The following RBM46 variants were observed in gnomAD, a reference collection of about 807,000 sequenced individuals.
RBM46 encodes probable RNA-binding protein 46.
A neutral mutation model predicts 43.3 loss-of-function variants in RBM46; 12 were observed. The observed-to-expected ratio is 0.28, with a 90% CI of 0.18 to 0.45. RBM46 has a LOEUF of 0.45. Among genes scored for constraint, RBM46 ranks in the 20% least tolerant of loss-of-function variants. The pLI, the probability that RBM46 is intolerant of heterozygous loss-of-function variation, is 1.00. For synonymous variants in RBM46, 205 were observed against 207.6 expected (o/e 0.99, Z 0.11); for missense variants, 412 against 639.1 (o/e 0.64, Z 3.83).
At chr4:154,817,870 C>G (rs1371606355) in intron 4 of RBM46, among the ~76,000 whole-genome samples, 1 of 151,338 alleles carries the variant, frequency 6.6e-6, no homozygotes, top group Non-Finnish European at 1.5e-5. Context: ...ACTTTCTTTT[C>G]TTTAGCTGTA....
intron 4 of RBM46, among the ~76,000 whole-genome samples, chr4:154,800,217 T>A (rs1176144805): frequency 6.6e-6 from 1 of 152,184 alleles, no homozygotes; most frequent in Admixed American, 6.5e-5. Flanking sequence ...GATATGTTCA[T>A]TAAACCAATT....
chr4:154,818,486 A>G (rs1735572212), intron 4 of RBM46, among the ~76,000 whole-genome samples: 1 of 152,172 alleles, frequency 6.6e-6, no homozygotes. Context: ...TTGTGCCATC[A>G]TTCCCTGTAC....
At position 154,799,500 on chromosome 4, in the gene RBM46, C is replaced by G; in HGVS notation, c.1338C>G (p.Asp446Glu). The G allele has an allele frequency of 6.2e-7, 1 of 1,611,872 alleles. No individual in the cohort carries two copies. The highest frequency in any genetic ancestry group is 1.1e-5 in the South Asian group (1 of 90,372). ...GATCCCAGAGTTACTTCATGCCAGACAAACTCTGTACTACGTTAGAAGATG... is the reference window on the plus strand; with the variant it reads ...GATCCCAGAGTTACTTCATGCCAGAGAAACTCTGTACTACGTTAGAAGATG... The part of the protein sequence containing the change: ...ANGSQSYFMP[D>E]KLCTTLEDAK... Residue 446 changes from aspartate to glutamate, a missense_variant, in exon 4 of 5, where the codon GAC becomes GAG. By Grantham distance (45) the Asp-to-Glu change is conservative (BLOSUM62 2). This residue lies in a region of RBM46 where 149 missense variants were observed against 156.3 expected (regional missense o/e 0.95). Transcript: ENST00000281722.
chr4:154,810,465 C>G (rs558612378), intron 4 of RBM46, among the ~76,000 whole-genome samples: 3 of 138,678 alleles, frequency 2.2e-5, no homozygotes, highest in African/African-American at 7.8e-5. Context: ...TGTGTAAATA[C>G]TAATACAGAG....
intron 4 of RBM46, among the ~76,000 whole-genome samples, chr4:154,812,133 C>T (rs1207070367): frequency 6.6e-6 from 1 of 151,504 alleles, no homozygotes; most frequent in African/African-American, 2.4e-5. Context: ...TCACATGATT[C>T]CAATGAAAAA....
At chr4:154,792,686 C>G (rs1487719568) in intron 1 of RBM46, among the ~76,000 whole-genome samples, 3 of 151,984 alleles carry the variant, frequency 2.0e-5, no homozygotes, top group Non-Finnish European at 4.4e-5. Context: ...GAGGGTTTTC[C>G]TGGAGAATAT....
At chr4:154,795,010 G>A (rs1370835397) in intron 1 of RBM46, among the ~76,000 whole-genome samples, 1 of 152,002 alleles carries the variant, frequency 6.6e-6, no homozygotes, top group African/African-American at 2.4e-5. Flanking sequence ...ATAGAATATA[G>A]TTGGTCCTTA....
chr4:154,824,102 TG>T lies in RBM46; in HGVS notation c.1403-3765del, dbSNP rs569790232. Among the ~76,000 whole-genome samples the T allele has an allele frequency of 3.3e-3, 490 of 150,058 alleles. 2 individuals are homozygous for T. Among genetic ancestry groups the T allele is most frequent in the African/African-American group, 0.011 (440 of 41,030 alleles). On this transcript the variant is annotated intron_variant, in intron 4 of 4. Transcript: ENST00000281722. ...GAGCAGTTGTTCTCTTTTTTTTTTT[TG>T]TTTTCCACAAAACAACCTTTACTTC... is the stretch of plus-strand genomic sequence containing the variant.
chr4:154,803,383 A>G (rs543476590), intron 4 of RBM46, among the ~76,000 whole-genome samples: 13 of 152,162 alleles, frequency 8.5e-5, no homozygotes, highest in Non-Finnish European at 1.8e-4. Context: ...ATCTCACTGG[A>G]AACTCATTAC....
intron 1 of RBM46, among the ~76,000 whole-genome samples, chr4:154,782,761 G>C (rs772996263): frequency 6.6e-6 from 1 of 152,178 alleles, no homozygotes; most frequent in Non-Finnish European, 1.5e-5. Flanking sequence ...GATTACAGGC[G>C]TGAGCCATCG....
rs1736078964 is a variant in RBM46, at chr4:154,828,745, T to TGTTATGGG, written c.*681_*682insATGGGGTT. The TGTTATGGG allele has an allele frequency of 6.6e-6, 1 of 152,614 alleles. No homozygotes were observed. Among genetic ancestry groups the TGTTATGGG allele is most frequent in the Non-Finnish European group, 1.5e-5 (1 of 68,024 alleles). The allele number at this position is 152,614 out of a possible 1,614,324, so 9.5% of individuals were successfully genotyped here. On this transcript the variant is annotated 3_prime_UTR_variant, in exon 5 of 5. Coordinates refer to ENST00000281722, the MANE Select transcript of RBM46 (RefSeq NM_144979.5). Reference sequence around the variant, plus strand: ...AATAACAAGTGTTATGGGTTTTTAATGTTGAAATCATGTGTTAATTTTTGT... The same window carrying TGTTATGGG: ...AATAACAAGTGTTATGGGTTTTTAATGTTATGGGGTTGAAATCATGTGTTAATTTTTGT...
At position 154,827,952 on chromosome 4, in the gene RBM46, A is replaced by G; in HGVS notation, c.1487A>G (p.Tyr496Cys). The G allele has an allele frequency of 6.2e-7, 1 of 1,613,838 alleles. No individual in the cohort carries two copies. ...TCTGGGACTCCCAGCGTGCTTCCTT[A>G]TACTTCAAGGCCTTATTCTTATCCA... ...LSSGTPSVLP[Y>C]TSRPYSYPGY... Residue 496 changes from tyrosine (Y) to cysteine (C), a missense_variant, in exon 5 of 5, where the codon TAT (tyrosine) becomes TGT (cysteine). Tyr to Cys is a radical substitution (Grantham distance 194, BLOSUM62 -2). Transcript: ENST00000281722.
chr4:154,795,973 C>T (rs970073181), intron 1 of RBM46, among the ~76,000 whole-genome samples: 2 of 152,052 alleles, frequency 1.3e-5, no homozygotes, highest in Non-Finnish European at 2.9e-5. Flanking sequence ...GCCTGGGCAA[C>T]GTGGTGAAAC....
intron 4 of RBM46, among the ~76,000 whole-genome samples, chr4:154,803,497 TAG>T (rs1324255510): frequency 6.6e-6 from 1 of 151,848 alleles, no homozygotes; most frequent in Non-Finnish European, 1.5e-5. Context: ...GGTCAGGAGA[TAG>T]AGACCATCCT....
chr4:154,820,469 A>T (rs1002065183), intron 4 of RBM46: 1 of 1,070,500 alleles, frequency 9.3e-7, no homozygotes, highest in Admixed American at 2.7e-5. Context: ...TAAGTAATAT[A>T]TTTAATTGTC....
At chr4:154,797,506 A>T (rs1734413691) in intron 2 of RBM46, among the ~76,000 whole-genome samples, 1 of 152,136 alleles carries the variant, frequency 6.6e-6, no homozygotes. Context: ...CTTTTCCCAG[A>T]TAATCCTCAT....
chr4:154,783,998 C>G (rs1437697473), intron 1 of RBM46, among the ~76,000 whole-genome samples: 1 of 152,106 alleles, frequency 6.6e-6, no homozygotes, highest in Non-Finnish European at 1.5e-5. Flanking sequence ...AAACAGAAAA[C>G]CTCCATTGAC....
chr4:154,821,148 T>C (rs1418719155), intron 4 of RBM46, among the ~76,000 whole-genome samples: 1 of 151,800 alleles, frequency 6.6e-6, no homozygotes, highest in Admixed American at 6.6e-5. Flanking sequence ...ATTAATAAAA[T>C]CTGTTCTCAG....
rs777350753 is a variant in RBM46 at position 154,798,984 on chromosome 4, T to C, written c.822T>C (p.Ala274=). 1 of 1,614,076 alleles carries C rather than the reference T, an allele frequency of 6.2e-7. No individual in the cohort carries two copies. The change falls in exon 4 of 5, where the codon GCT becomes GCC. Residue 274 remains alanine, a synonymous_variant. Transcript: ENST00000281722. ...VERVKKLRDY[A]FVHFFNREDA... Reference sequence around the variant, plus strand: ...GGGTAAAGAAACTTAGAGATTATGCTTTTGTTCACTTTTTCAACCGAGAAG... The same window carrying C: ...GGGTAAAGAAACTTAGAGATTATGCCTTTGTTCACTTTTTCAACCGAGAAG...
Sources: gnomAD v4.1 joint callset for allele counts (sites outside exome capture counted in the v4.1 genomes callset) on GRCh38, gnomAD v4.1.1 for gene constraint, gnomAD v4.1.1 regional missense constraint, MANE v1.5 for transcripts, NCBI Gene and HGNC (gene_info 2026-07-23, HGNC 2026-07-21) for gene names.